Variants in CNKSR3 observed in about 807,000 individuals in gnomAD.
The protein encoded by CNKSR3 is connector enhancer of kinase suppressor of ras 3.
A neutral mutation model predicts 67.7 loss-of-function variants in CNKSR3; 36 were observed. The ratio of observed to expected loss-of-function variants is 0.53; its 90% CI spans 0.41 to 0.70. CNKSR3 has a LOEUF of 0.70. Ranked by LOEUF, CNKSR3 falls within the 30% of genes least tolerant of loss-of-function variation. The pLI, the probability that CNKSR3 is intolerant of heterozygous loss-of-function variation, is 0.00. For synonymous variants in CNKSR3, 281 were observed against 271.4 expected, an observed-to-expected ratio of 1.04 and a Z score of -0.35; for missense variants, 630 against 695.2, an observed-to-expected ratio of 0.91 and a Z score of 1.05.
At chr6:154,464,918 G>A (rs1174482181) in intron 1 of CNKSR3, among the ~76,000 whole-genome samples, 1 of 151,180 alleles carries the variant, frequency 6.6e-6, no homozygotes, top group Non-Finnish European at 1.5e-5. Flanking sequence ...AAGGTGGGTG[G>A]ATCAAGAGGT....
At chr6:154,436,685 C>T (rs1027795990) in intron 4 of CNKSR3, among the ~76,000 whole-genome samples, 1 of 152,086 alleles carries the variant, frequency 6.6e-6, no homozygotes, top group Non-Finnish European at 1.5e-5. Context: ...TGAAACTCAG[C>T]ACCTGCCAGG....
At chr6:154,408,786 C>A (rs1296779924) in intron 12 of CNKSR3, among the ~76,000 whole-genome samples, 2 of 152,196 alleles carry the variant, frequency 1.3e-5, no homozygotes, top group African/African-American at 2.4e-5. Context: ...AGAGTTATAT[C>A]TCAATAAAAC....
At chr6:154,497,856 T>C (rs2114655986) in intron 1 of CNKSR3, among the ~76,000 whole-genome samples, 1 of 152,330 alleles carries the variant, frequency 6.6e-6, no homozygotes, top group South Asian at 2.1e-4. Context: ...ACCTTGAAGA[T>C]GGAAAGAACC....
At chr6:154,445,377 G>A (rs1487970314) in intron 2 of CNKSR3, among the ~76,000 whole-genome samples, 2 of 152,108 alleles carry the variant, frequency 1.3e-5, no homozygotes, top group African/African-American at 4.8e-5. Context: ...TTGCATCACA[G>A]CTTTTTAAAT....
At chr6:154,500,256 AACACACACACACACACACAC>A (rs5881088) in intron 1 of CNKSR3, among the ~76,000 whole-genome samples, 1 of 147,322 alleles carries the variant, frequency 6.8e-6, no homozygotes, top group East Asian at 2.0e-4. Flanking sequence ...TAAAATTAGA[AACACACACACACACACACAC>A]ACACACACAC....
At chr6:154,414,263 G>T in intron 10 of CNKSR3, 36 bp downstream of exon 10, 1 of 1,539,712 alleles carries the variant, frequency 6.5e-7, no homozygotes, top group South Asian at 1.3e-5. Flanking sequence ...ACACCAACAG[G>T]AGACAAGCAT....
Position 154,510,249 on chromosome 6 carries a change from G to A in CNKSR3, c.-135C>T. 1.0e-6 allele frequency: 1 copy of A among 968,240 alleles called. No individual in the cohort carries two copies. The highest frequency in any genetic ancestry group is 1.6e-6 in the Non-Finnish European group (1 of 636,616). 60.0% of individuals were successfully genotyped at this position (968,240 alleles called of 1,614,324 possible). A position where few individuals can be genotyped will look rare whatever the true frequency, so the allele number is the denominator to read the frequency against. ...CCGAGCGACTCCGTCAAGACTGCATGGCCGCGGTCAGCCAGTCGTCCCAGC... is the reference window on the plus strand; with the variant it reads ...CCGAGCGACTCCGTCAAGACTGCATAGCCGCGGTCAGCCAGTCGTCCCAGC... On this transcript the variant is annotated 5_prime_UTR_variant, in exon 1 of 13. Transcript: ENST00000607772.
At position 154,401,759 on chromosome 6, in the gene CNKSR3, T is replaced by C. The variant is rs1251146167; in HGVS notation, c.*4595A>G. ...TCTACAAAACTAATCTCATCTACAA[T>C]AGAAGAAAACAAGTCAGGCCTACTT... is the stretch of plus-strand genomic sequence containing the variant. On this transcript the variant is annotated 3_prime_UTR_variant, in exon 13 of 13. Transcript: ENST00000607772. The C allele has an allele frequency of 2.0e-5, 3 of 152,146 alleles. No homozygotes were observed. Among genetic ancestry groups the C allele is most frequent in the Non-Finnish European group, 2.9e-5 (2 of 68,032 alleles). The allele number at this position is 152,146 out of a possible 1,614,324, so 9.4% of individuals were successfully genotyped here. A position where few individuals can be genotyped will look rare whatever the true frequency, so the allele number is the denominator to read the frequency against.
At chr6:154,483,786 C>G (rs900512460) in intron 1 of CNKSR3, among the ~76,000 whole-genome samples, 26 of 152,180 alleles carry the variant, frequency 1.7e-4, no homozygotes, top group Admixed American at 1.3e-4. Flanking sequence ...CTGAATGCAT[C>G]AGATCTTGTT....
rs894104705 is a variant in CNKSR3, at chr6:154,459,613, G to C, written c.53-9355C>G. Among the ~76,000 whole-genome samples the C allele has an allele frequency of 2.6e-5, 4 of 152,190 alleles. No homozygotes were observed. In the South Asian group the frequency reaches 8.3e-4, roughly 31 times the overall value. On this transcript the variant is annotated intron_variant, in intron 1 of 12. Transcript: ENST00000607772. ...GAATGGAAGGACAGTCAACCCTAAA[G>C]CGCTTTCTTGTTCCCAAAGCAAACT...
intron 1 of CNKSR3, among the ~76,000 whole-genome samples, chr6:154,471,290 C>G (rs532579534): frequency 6.6e-6 from 1 of 152,160 alleles, no homozygotes; most frequent in African/African-American, 2.4e-5. Flanking sequence ...CATGAATGCA[C>G]ACTTTGGGAG....
rs770864723 is a variant in CNKSR3 at position 154,405,489 on chromosome 6, CTG to C, written c.*863_*864del. The C allele has an allele frequency of 9.8e-5, 15 of 152,410 alleles. No individual in the cohort carries two copies. Among genetic ancestry groups the C allele is most frequent in the African/African-American group, 3.6e-4 (15 of 41,462 alleles). 9.4% of individuals were successfully genotyped at this position (152,410 alleles called of 1,614,324 possible). ...TTCCAAGATATTTCTAATTAGCAAA[CTG>C]TGTACAATTTTGAAGAAGTGTACAC... On this transcript the variant is annotated 3_prime_UTR_variant, in exon 13 of 13. Transcript: ENST00000607772.
chr6:154,428,900 A>G (rs557077877), intron 6 of CNKSR3, among the ~76,000 whole-genome samples: 1 of 152,356 alleles, frequency 6.6e-6, no homozygotes, highest in South Asian at 2.1e-4. Flanking sequence ...AAATAACCTC[A>G]GAGTGACTAT....
intron 1 of CNKSR3, among the ~76,000 whole-genome samples, chr6:154,462,596 A>C (rs1275204417): frequency 6.6e-6 from 1 of 152,066 alleles, no homozygotes; most frequent in Non-Finnish European, 1.5e-5. Flanking sequence ...AGGCATCTCC[A>C]TCTCCGGCCA....
At chr6:154,474,656 G>T (rs1258654996) in intron 1 of CNKSR3, among the ~76,000 whole-genome samples, 1 of 152,164 alleles carries the variant, frequency 6.6e-6, no homozygotes, top group East Asian at 1.9e-4. Flanking sequence ...ATCCGGATGT[G>T]GGGTGGTGTG....
intron 1 of CNKSR3, among the ~76,000 whole-genome samples, chr6:154,476,563 T>C (rs1041884350): frequency 2.6e-5 from 4 of 152,144 alleles, no homozygotes; most frequent in Non-Finnish European, 5.9e-5. Context: ...GAGACAAGTT[T>C]AGTAAATCCA....
At chr6:154,413,277 T>G (rs1208894970) in intron 10 of CNKSR3, among the ~76,000 whole-genome samples, 1 of 152,042 alleles carries the variant, frequency 6.6e-6, no homozygotes, top group Non-Finnish European at 1.5e-5. Context: ...CAGGCTGGAG[T>G]GCAGTGGTAT....
chr6:154,449,893 T>A (rs549290785), intron 2 of CNKSR3, among the ~76,000 whole-genome samples: 8 of 152,248 alleles, frequency 5.3e-5, no homozygotes, highest in South Asian at 2.1e-4. Context: ...TGGGCCAGAT[T>A]TAACTCGCAG....
intron 4 of CNKSR3, among the ~76,000 whole-genome samples, chr6:154,437,572 G>A (rs1298166235): frequency 6.6e-6 from 1 of 151,864 alleles, no homozygotes; most frequent in Non-Finnish European, 1.5e-5. Context: ...CCGCCACCAT[G>A]CCCTGGGTGA....
Sources: gnomAD v4.1 joint callset for allele counts (sites outside exome capture counted in the v4.1 genomes callset) on GRCh38, gnomAD v4.1.1 for gene constraint, MANE v1.5 for transcripts, NCBI Gene and HGNC (gene_info 2026-07-23, HGNC 2026-07-21) for gene names.